Variants in PAN3 observed in about 807,000 individuals in gnomAD.
The protein encoded by PAN3 is PAN2-PAN3 deadenylation complex subunit PAN3.
A neutral mutation model predicts 96.2 loss-of-function variants in PAN3; 19 were observed. The observed-to-expected ratio is 0.20, with a 90% confidence interval of 0.14 to 0.29. PAN3 has a LOEUF of 0.29. Among genes scored for constraint, PAN3 ranks in the 10% least tolerant of loss-of-function variants. The probability of loss-of-function intolerance (pLI) is 1.00; values close to 1 mark genes in which losing one functional copy is unlikely to be tolerated. For synonymous variants in PAN3, 433 were observed against 406.6 expected (o/e 1.06, Z -0.78); for missense variants, 882 against 1,108.1 (o/e 0.80, Z 2.90).
chr13:28,230,945 A>C (rs1345772649), intron 6 of PAN3, among the ~76,000 whole-genome samples: 1 of 152,164 alleles, frequency 6.6e-6, no homozygotes. Context: ...CTCTGTTTTG[A>C]TGCTTCGTTT....
At chr13:28,176,834 A>G (rs1309734685) in intron 3 of PAN3, among the ~76,000 whole-genome samples, 1 of 151,790 alleles carries the variant, frequency 6.6e-6, no homozygotes, top group East Asian at 1.9e-4. Flanking sequence ...TAACAAGACC[A>G]TGTCTCTATT....
At chr13:28,236,847 C>T (rs967535469) in intron 6 of PAN3, among the ~76,000 whole-genome samples, 3 of 152,128 alleles carry the variant, frequency 2.0e-5, no homozygotes, top group African/African-American at 4.8e-5. Context: ...CTCAAGCGAT[C>T]CTCCTGCCTT....
chr13:28,231,326 A>G (rs1183706696), intron 6 of PAN3, among the ~76,000 whole-genome samples: 6 of 152,210 alleles, frequency 3.9e-5, no homozygotes, highest in Admixed American at 6.5e-5. Context: ...TACTATGTGT[A>G]GACCAGGAAA....
intron 5 of PAN3, among the ~76,000 whole-genome samples, chr13:28,218,840 G>T (rs1339357168): frequency 6.6e-6 from 1 of 152,106 alleles, no homozygotes; most frequent in Non-Finnish European, 1.5e-5. Context: ...ATGTAATTTT[G>T]CTGTCTCCTG....
intron 1 of PAN3, among the ~76,000 whole-genome samples, 157 bp downstream of exon 1, chr13:28,139,244 C>T (rs1032233545): frequency 6.6e-6 from 1 of 152,000 alleles, no homozygotes; most frequent in African/African-American, 2.4e-5. Flanking sequence ...AGCCCTCCTT[C>T]CTTCTTCCTG....
chr13:28,165,283 C>CT (rs35652829), intron 1 of PAN3, among the ~76,000 whole-genome samples: 15,073 of 129,366 alleles, frequency 0.12, 1,248 homozygotes, highest in East Asian at 0.32. Flanking sequence ...CTTATATATC[C>CT]TTTTTTTTTT....
intron 5 of PAN3, chr13:28,215,391 G>A: frequency 1.3e-6 from 1 of 741,372 alleles, no homozygotes; most frequent in Middle Eastern, 3.8e-4. Flanking sequence ...CTATTGAAAT[G>A]CACCATGGAG....
intron 8 of PAN3, among the ~76,000 whole-genome samples, chr13:28,260,988 G>A (rs187298091): frequency 1.8e-3 from 277 of 152,234 alleles, no homozygotes; most frequent in African/African-American, 6.3e-3. Flanking sequence ...TTGGTAAACA[G>A]CTAGTTATTT....
chr13:28,176,414 G>A, intron 2 of PAN3, 79 bp from the exon 3 acceptor site: 1 of 1,288,666 alleles, frequency 7.8e-7, no homozygotes, highest in African/African-American at 1.5e-5. Flanking sequence ...AAGAAGCAAA[G>A]AGAGCCAGTC....
chr13:28,212,344 A>G (rs1349582217), intron 5 of PAN3, among the ~76,000 whole-genome samples: 1 of 152,216 alleles, frequency 6.6e-6, no homozygotes, highest in African/African-American at 2.4e-5. Flanking sequence ...GGTAGAATGA[A>G]ACTAATTTGT....
chr13:28,261,545 G>GT (rs1185424488), intron 9 of PAN3, 87 bp downstream of exon 9: 1 of 1,240,026 alleles, frequency 8.1e-7, no homozygotes, highest in Non-Finnish European at 1.1e-6. Flanking sequence ...ATTAAGAAGA[G>GT]TTCCAGGCTG....
intron 5 of PAN3, among the ~76,000 whole-genome samples, chr13:28,200,929 T>C (rs949969916): frequency 6.6e-6 from 1 of 152,218 alleles, no homozygotes; most frequent in Admixed American, 6.5e-5. Flanking sequence ...TTATTGAAAT[T>C]GCTCTCAGAG....
intron 4 of PAN3, among the ~76,000 whole-genome samples, chr13:28,195,248 C>T (rs1469119411): frequency 1.3e-5 from 2 of 151,950 alleles, no homozygotes; most frequent in Non-Finnish European, 2.9e-5. Context: ...ACTAAAAATA[C>T]AAAAATTAGC....
chr13:28,287,888 G>A (rs1010859305), intron 17 of PAN3, 96 bp from the exon 18 acceptor site: 13 of 1,258,580 alleles, frequency 1.0e-5, no homozygotes, highest in Non-Finnish European at 1.3e-5. Context: ...TTTGTTTATT[G>A]GGAAAAAGTA....
intron 1 of PAN3, among the ~76,000 whole-genome samples, chr13:28,169,388 C>G (rs1874012063): frequency 6.6e-6 from 1 of 151,458 alleles, no homozygotes; most frequent in African/African-American, 2.4e-5. Context: ...CACCACCACG[C>G]CTGGCTAATG....
At chr13:28,155,331 T>G (rs947019933) in intron 1 of PAN3, among the ~76,000 whole-genome samples, 1 of 152,148 alleles carries the variant, frequency 6.6e-6, no homozygotes, top group African/African-American at 2.4e-5. Flanking sequence ...CACAGTGGCC[T>G]GTAATCCCAG....
chr13:28,189,279 AG>A (rs1876890425), intron 4 of PAN3, among the ~76,000 whole-genome samples: 1 of 152,146 alleles, frequency 6.6e-6, no homozygotes, highest in African/African-American at 2.4e-5. Flanking sequence ...GCACTTTGGG[AG>A]GCCACGCCGG....
At chr13:28,270,113 T>C (rs1330544729) in intron 12 of PAN3, among the ~76,000 whole-genome samples, 1 of 152,220 alleles carries the variant, frequency 6.6e-6, no homozygotes, top group African/African-American at 2.4e-5. Flanking sequence ...AAAATCTTGA[T>C]TAAATTTATA....
intron 1 of PAN3, among the ~76,000 whole-genome samples, chr13:28,169,222 CTTTT>C (rs202200725): frequency 4.0e-5 from 3 of 74,990 alleles, no homozygotes; most frequent in Admixed American, 2.0e-4. Flanking sequence ...TTTTTGTTTG[CTTTT>C]TTTTTTTTTT....
Sources: gnomAD v4.1 joint callset for allele counts (sites outside exome capture counted in the v4.1 genomes callset) on GRCh38, gnomAD v4.1.1 for gene constraint, MANE v1.5 for transcripts, NCBI Gene and HGNC (gene_info 2026-07-23, HGNC 2026-07-21) for gene names.